The following ACSL1 variants were observed in gnomAD, a reference collection of about 807,000 sequenced individuals.
ACSL1 encodes acyl-CoA synthetase long chain family member 1.
In ACSL1, 41 loss-of-function variants were observed where a neutral mutation model predicts 98.4. The observed-to-expected ratio is 0.42, with a 90% confidence interval of 0.32 to 0.54. ACSL1 has a LOEUF of 0.54. Among genes scored for constraint, ACSL1 ranks in the 20% least tolerant of loss-of-function variants. The probability of loss-of-function intolerance (pLI) is 0.13; values close to 1 mark genes in which losing one functional copy is unlikely to be tolerated. For synonymous variants in ACSL1, 316 were observed against 322.7 expected (o/e 0.98, Z 0.22); for missense variants, 734 against 883.1 (o/e 0.83, Z 2.14).
At chr4:184,797,164 TCA>T (rs1769548000) in intron 2 of ACSL1, among the ~76,000 whole-genome samples, 1 of 113,860 alleles carries the variant, frequency 8.8e-6, no homozygotes, top group Non-Finnish European at 2.0e-5. Context: ...CAGCTCCCGC[TCA>T]CAGCGGGCCC....
intron 18 of ACSL1, 40 bp downstream of exon 18, chr4:184,760,317 A>G: frequency 6.2e-7 from 1 of 1,606,218 alleles, no homozygotes; most frequent in Non-Finnish European, 8.5e-7. Context: ...GGCAATGGCA[A>G]TGTGTATGCA....
chr4:184,773,859 T>C lies in ACSL1; in HGVS notation c.773A>G (p.Asn258Ser), dbSNP rs182440677. Reference sequence around the variant, plus strand: ...TGTGCTTACCTTGGGCTTCCGTCTGTTGGCTCTTCCCAGGTCCTTAATTAG... The same window carrying C: ...TGTGCTTACCTTGGGCTTCCGTCTGCTGGCTCTTCCCAGGTCCTTAATTAG... ...MKAMEDLGRA[N>S]RRKPKPPAPE... The change falls in exon 8 of 21, where the codon AAC becomes AGC. Residue 258 changes from asparagine (N) to serine (S), a missense_variant. Asn to Ser is a conservative substitution (Grantham distance 46, BLOSUM62 1). Coordinates refer to ENST00000281455, the MANE Select transcript of ACSL1 (RefSeq NM_001995.5). The surrounding 1 kb of genome is among the most constrained non-coding windows in gnomAD (Gnocchi z 4.3). 2.5e-6 allele frequency: 4 copies of C among 1,613,838 alleles called. No homozygotes were observed. Among genetic ancestry groups the C allele is most frequent in the Non-Finnish European group, 2.5e-6 (3 of 1,179,866 alleles).
intron 1 of ACSL1, among the ~76,000 whole-genome samples, chr4:184,807,956 C>G (rs1481811507): frequency 6.6e-6 from 1 of 152,212 alleles, no homozygotes; most frequent in Non-Finnish European, 1.5e-5. Flanking sequence ...TTTAGCCCAA[C>G]CCAGGTTAGG....
At chr4:184,765,114 G>A (rs1294581280) in intron 14 of ACSL1, among the ~76,000 whole-genome samples, 189 bp from the exon 15 acceptor site, 3 of 152,138 alleles carry the variant, frequency 2.0e-5, no homozygotes, top group African/African-American at 7.2e-5. Flanking sequence ...CGTCACCCAG[G>A]TACACCTTCT....
chr4:184,771,418 T>C (rs776032977), intron 10 of ACSL1, among the ~76,000 whole-genome samples: 2 of 152,076 alleles, frequency 1.3e-5, no homozygotes, highest in African/African-American at 4.8e-5. Context: ...GTCCTTAGAG[T>C]ATTTTGAGTT....
intron 18 of ACSL1, chr4:184,758,273 G>A: frequency 4.8e-6 from 1 of 207,518 alleles, no homozygotes; most frequent in Non-Finnish European, 9.7e-6. Flanking sequence ...AAAAAAAAAA[G>A]GAAAAAAAGG....
chr4:184,773,839 T>A lies in ACSL1; in HGVS notation c.789+4A>T, dbSNP rs764519115. The stretch of plus-strand genomic sequence containing the variant: ...CAGAGCAGGGTCTGACACGGTGTGC[T>A]TACCTTGGGCTTCCGTCTGTTGGCT... On this transcript the variant is annotated splice_donor_region_variant and intron_variant, in intron 8 of 20. Coordinates refer to ENST00000281455, the MANE Select transcript of ACSL1 (RefSeq NM_001995.5). The surrounding 1 kb of genome is among the most constrained non-coding windows in gnomAD (Gnocchi z 4.3). 2 of 1,613,954 alleles carry A rather than the reference T, an allele frequency of 1.2e-6. No individual in the cohort carries two copies. Among genetic ancestry groups the A allele is most frequent in the African/African-American group, 2.7e-5 (2 of 75,028 alleles).
chr4:184,779,843 G>T (rs184796081), intron 5 of ACSL1, among the ~76,000 whole-genome samples: 2 of 151,402 alleles, frequency 1.3e-5, no homozygotes, highest in African/African-American at 4.8e-5. Context: ...TCTTAAAGGC[G>T]ATTAAAAGGC....
rs567335490 is a variant in ACSL1, at chr4:184,766,103, G to A, written c.1264-117C>T. 2.8e-5 allele frequency: 25 copies of A among 890,350 alleles called. No homozygotes were observed. The highest frequency in any genetic ancestry group is 8.3e-5 in the African/African-American group (5 of 60,042). 55.2% of individuals were successfully genotyped at this position (890,350 alleles called of 1,614,324 possible). On this transcript the variant is annotated intron_variant, in intron 13 of 20. Transcript: ENST00000281455. The surrounding 1 kb of genome is among the most constrained non-coding windows in gnomAD (Gnocchi z 4.8). ...CCTAACCCATAGCTGCAGACCACAC[G>A]GAGGCCACACGGAGAACTCACAGCC...
At chr4:184,792,475 G>T (rs1424281202) in intron 2 of ACSL1, among the ~76,000 whole-genome samples, 1 of 151,948 alleles carries the variant, frequency 6.6e-6, no homozygotes, top group Non-Finnish European at 1.5e-5. Flanking sequence ...AGGCTCTGTC[G>T]CCCAGGCTAG....
intron 1 of ACSL1, among the ~76,000 whole-genome samples, chr4:184,807,109 G>A (rs1330380477): frequency 2.6e-5 from 4 of 152,170 alleles, no homozygotes; most frequent in Non-Finnish European, 5.9e-5. Flanking sequence ...GTCTTTCAAC[G>A]CTGTATGTGA....
At chr4:184,774,304 C>T (rs1363996301) in intron 7 of ACSL1, among the ~76,000 whole-genome samples, 4 of 152,164 alleles carry the variant, frequency 2.6e-5, no homozygotes, top group Non-Finnish European at 5.9e-5. Flanking sequence ...TACCTCACCC[C>T]CACATTCTGC....
Position 184,757,762 on chromosome 4 carries a change from C to A in ACSL1, c.1885-56G>T. The A allele has an allele frequency of 1.2e-6, 2 of 1,610,884 alleles. No individual in the cohort carries two copies. Among genetic ancestry groups the A allele is most frequent in the South Asian group, 2.2e-5 (2 of 91,000 alleles). On this transcript the variant is annotated intron_variant, in intron 19 of 20. Transcript: ENST00000281455. This position sits in a 1 kb window ranked among gnomAD's most constrained non-coding sequence, Gnocchi z 4.5. Reference sequence around the variant, plus strand: ...TCTGTTAGAGGTCCCTGAATATCTACAGGTACATTTAATGCCAAGTTATGA... The same window carrying A: ...TCTGTTAGAGGTCCCTGAATATCTAAAGGTACATTTAATGCCAAGTTATGA...
chr4:184,772,748 G>A (rs145651811), intron 10 of ACSL1, among the ~76,000 whole-genome samples: 3 of 152,284 alleles, frequency 2.0e-5, no homozygotes, highest in Non-Finnish European at 2.9e-5. Context: ...ATACAGGGAC[G>A]CTGGATAAAA....
Position 184,766,510 on chromosome 4 carries a change from A to G in ACSL1, c.1263+112T>C. Reference sequence around the variant, plus strand: ...AATGTGTGCCAGAATTAACAAAAACATGTTATTCTCTCCCTTACCTTCATC... The same window carrying G: ...AATGTGTGCCAGAATTAACAAAAACGTGTTATTCTCTCCCTTACCTTCATC... On this transcript the variant is annotated intron_variant, in intron 13 of 20. Coordinates refer to ENST00000281455, the MANE Select transcript of ACSL1 (RefSeq NM_001995.5). The surrounding 1 kb of genome is among the most constrained non-coding windows in gnomAD (Gnocchi z 4.8). The G allele has an allele frequency of 7.1e-7, 1 of 1,403,320 alleles. No individual in the cohort carries two copies. The highest frequency in any genetic ancestry group is 9.7e-7 in the Non-Finnish European group (1 of 1,035,952). The allele number at this position is 1,403,320 out of a possible 1,614,324, so 86.9% of individuals were successfully genotyped here. A position where few individuals can be genotyped will look rare whatever the true frequency, so the allele number is the denominator to read the frequency against.
In ACSL1 at chr4:184,783,924, C is replaced by T; in HGVS notation, c.375+3G>A. Reference sequence around the variant, plus strand: ...CCACAGAGCCTGTCTCATACAAACTCACCTGTTTATATGAAAGCCATTCAT... The same window carrying T: ...CCACAGAGCCTGTCTCATACAAACTTACCTGTTTATATGAAAGCCATTCAT... On this transcript the variant is annotated splice_donor_region_variant and intron_variant, in intron 4 of 20. Coordinates refer to ENST00000281455, the MANE Select transcript of ACSL1 (RefSeq NM_001995.5). 6.2e-7 allele frequency: 1 copy of T among 1,612,750 alleles called. No individual in the cohort carries two copies. The highest frequency in any genetic ancestry group is 2.2e-5 in the East Asian group (1 of 44,862).
intron 3 of ACSL1, among the ~76,000 whole-genome samples, chr4:184,785,534 T>C (rs1767066192): frequency 6.8e-6 from 1 of 147,754 alleles, no homozygotes; most frequent in South Asian, 2.1e-4. Flanking sequence ...TCTTGCTCTT[T>C]TGTTTCAGTT....
At chr4:184,785,286 T>C (rs1297687531) in intron 3 of ACSL1, among the ~76,000 whole-genome samples, 2 of 152,210 alleles carry the variant, frequency 1.3e-5, no homozygotes, top group Non-Finnish European at 2.9e-5. Context: ...GGTTCTACTA[T>C]ACCCAGGCTC....
chr4:184,817,635 T>C (rs1772740767), intron 1 of ACSL1, among the ~76,000 whole-genome samples: 2 of 152,172 alleles, frequency 1.3e-5, no homozygotes, highest in Middle Eastern at 3.4e-3. Flanking sequence ...GTGCCACACC[T>C]GGGAGGCAGA....
Sources: allele counts gnomAD v4.1 joint callset (sites outside exome capture counted in the v4.1 genomes callset), GRCh38; gene constraint gnomAD v4.1.1; non-coding constraint Gnocchi (gnomAD v3.1); transcripts MANE v1.5; gene names NCBI Gene and HGNC (gene_info 2026-07-23, HGNC 2026-07-21).